Variants in SLC2A13 observed in about 807,000 individuals in gnomAD.
SLC2A13 encodes the protein proton myo-inositol cotransporter.
Under a neutral mutation model 64.4 loss-of-function variants are expected in SLC2A13, and 32 were observed. The ratio of observed to expected loss-of-function variants is 0.50; its 90% CI spans 0.37 to 0.67. The LOEUF is 0.67. SLC2A13 is among the 30% of genes least tolerant of loss of function. The pLI is 0.00. For synonymous variants in SLC2A13, 338 were observed against 327.1 expected (o/e 1.03, Z -0.36); for missense variants, 743 against 829.2 (o/e 0.90, Z 1.28).
chr12:39,825,564 AT>A (rs1232183278), intron 7 of SLC2A13, among the ~76,000 whole-genome samples: 1 of 152,084 alleles, frequency 6.6e-6, no homozygotes, highest in Non-Finnish European at 1.5e-5. Flanking sequence ...GGAAAGTTAC[AT>A]TTTTTCTTGA....
intron 7 of SLC2A13, among the ~76,000 whole-genome samples, chr12:39,817,951 C>T (rs1446199905): frequency 6.6e-6 from 1 of 152,166 alleles, no homozygotes; most frequent in Non-Finnish European, 1.5e-5. Flanking sequence ...TCTAGGTCTG[C>T]CCTGTTTTTC....
intron 7 of SLC2A13, among the ~76,000 whole-genome samples, chr12:39,828,711 A>G (rs569619507): frequency 0.027 from 2,105 of 76,864 alleles, 136 homozygotes; most frequent in Admixed American, 0.19. Context: ...GTAGTAACTT[A>G]GTTTTTTTTT....
At chr12:39,981,390 G>A (rs1389692302) in intron 3 of SLC2A13, among the ~76,000 whole-genome samples, 2 of 152,052 alleles carry the variant, frequency 1.3e-5, no homozygotes, top group South Asian at 2.1e-4. Context: ...TCCAGGAGCT[G>A]GTTTTTTGAA....
At chr12:40,092,776 A>G (rs1938810973) in intron 1 of SLC2A13, among the ~76,000 whole-genome samples, 1 of 152,222 alleles carries the variant, frequency 6.6e-6, no homozygotes, top group Non-Finnish European at 1.5e-5. Context: ...AACTTGAGTC[A>G]TCAGACAGAA....
At chr12:39,829,502 G>C (rs1942795977) in intron 7 of SLC2A13, 1 of 76,278 alleles carries the variant, frequency 1.3e-5, no homozygotes. Flanking sequence ...TATCTCCCAG[G>C]TTCAAGTGAT....
At chr12:39,956,444 A>G (rs1345102492) in intron 3 of SLC2A13, among the ~76,000 whole-genome samples, 1 of 152,214 alleles carries the variant, frequency 6.6e-6, no homozygotes, top group African/African-American at 2.4e-5. Context: ...TTTTTATTGT[A>G]TGTAAATTAT....
At chr12:40,102,992 T>A (rs1320044267) in intron 1 of SLC2A13, among the ~76,000 whole-genome samples, 1 of 152,198 alleles carries the variant, frequency 6.6e-6, no homozygotes, top group Non-Finnish European at 1.5e-5. Flanking sequence ...TGAAGAGGGC[T>A]TTTACGAAAC....
chr12:40,068,475 C>A, intron 1 of SLC2A13: 1 of 263,402 alleles, frequency 3.8e-6, no homozygotes, highest in South Asian at 4.3e-5. Context: ...TTTTTCTTAT[C>A]TAATCATCTT....
chr12:39,827,452 A>G (rs1020400960), intron 7 of SLC2A13, among the ~76,000 whole-genome samples: 6 of 152,192 alleles, frequency 3.9e-5, no homozygotes, highest in African/African-American at 7.2e-5. Context: ...TATCTCACTC[A>G]GCATTAAAAA....
chr12:39,886,057 C>T (rs1446564084), intron 4 of SLC2A13, among the ~76,000 whole-genome samples: 1 of 152,062 alleles, frequency 6.6e-6, no homozygotes, highest in Admixed American at 6.6e-5. Flanking sequence ...TGTTTAAGCC[C>T]TCTTACACTT....
intron 1 of SLC2A13, among the ~76,000 whole-genome samples, chr12:40,069,005 T>C (rs1361134390): frequency 6.6e-6 from 1 of 152,070 alleles, no homozygotes; most frequent in Non-Finnish European, 1.5e-5. Context: ...TGTCTAGACA[T>C]AAAATGGGCA....
chr12:39,926,360 T>C (rs1592289175), intron 4 of SLC2A13, among the ~76,000 whole-genome samples: 2 of 152,222 alleles, frequency 1.3e-5, no homozygotes, highest in East Asian at 3.8e-4. Context: ...AGGCATGTTA[T>C]CATATGTGCC....
intron 1 of SLC2A13, among the ~76,000 whole-genome samples, chr12:40,074,153 G>A (rs1173656410): frequency 7.2e-6 from 1 of 137,988 alleles, no homozygotes; most frequent in Non-Finnish European, 1.5e-5. Context: ...GTCTATTAAA[G>A]CCCATCAAAG....
In SLC2A13 at chr12:39,924,793, T is replaced by C. The variant is rs7303672; in HGVS notation, c.1034+26464A>G. ...AATGTAAAATGCAATAGGCTTGACC[T>C]TTTGTGTTTTGCATGACAGAAAGCT... On this transcript the variant is annotated intron_variant, in intron 4 of 9. Transcript: ENST00000280871. 9.0e-3 allele frequency among the ~76,000 whole-genome samples: 1,367 copies of C among 151,826 alleles called. 18 individuals carry two copies. Among genetic ancestry groups the C allele is most frequent in the African/African-American group, 0.029 (1,189 of 41,464 alleles).
At chr12:39,798,114 G>A (rs1193453518) in intron 7 of SLC2A13, among the ~76,000 whole-genome samples, 2 of 152,194 alleles carry the variant, frequency 1.3e-5, no homozygotes, top group South Asian at 2.1e-4. Flanking sequence ...TATGAGGACA[G>A]CCAAGCTGCC....
intron 7 of SLC2A13, among the ~76,000 whole-genome samples, chr12:39,826,666 A>G (rs1348753028): frequency 6.6e-6 from 1 of 151,390 alleles, no homozygotes; most frequent in Non-Finnish European, 1.5e-5. Context: ...AAAAGTTCTC[A>G]TACCACATCC....
rs1028491088 is a variant in SLC2A13 at position 39,757,415 on chromosome 12, G to A, written c.*2611C>T. ...TGATAGTGGTAGCCAAATATGCTGG[G>A]AACTTAAAAGGTGCCTAATATAAAA... On this transcript the variant is annotated 3_prime_UTR_variant, in exon 10 of 10. Transcript: ENST00000280871. 2.6e-5 allele frequency: 4 copies of A among 151,436 alleles called. No individual in the cohort carries two copies. The highest frequency in any genetic ancestry group is 1.3e-4 in the Admixed American group (2 of 15,118). The allele number at this position is 151,436 out of a possible 1,614,324, so 9.4% of individuals were successfully genotyped here. A position where few individuals can be genotyped will look rare whatever the true frequency, so the allele number is the denominator to read the frequency against.
chr12:39,936,972 G>T (rs1343197683), intron 4 of SLC2A13, among the ~76,000 whole-genome samples: 1 of 152,126 alleles, frequency 6.6e-6, no homozygotes, highest in Non-Finnish European at 1.5e-5. Flanking sequence ...GACTGGAATA[G>T]GTCTCTGAGT....
In SLC2A13 at chr12:39,951,261, T is replaced by C. The variant is rs376729372; in HGVS notation, c.1030A>G (p.Ile344Val). 6 of 1,612,458 alleles carry C rather than the reference T, an allele frequency of 3.7e-6. No individual in the cohort carries two copies. Among genetic ancestry groups the C allele is most frequent in the Non-Finnish European group, 5.1e-6 (6 of 1,179,130 alleles). The change falls in exon 4 of 10, where the codon ATC (isoleucine) becomes GTC (valine). Residue 344 changes from isoleucine to valine, a missense_variant. Physicochemically the swap from Ile to Val is conservative, Grantham distance 29 (BLOSUM62 3). This residue lies in a region of SLC2A13 where 295 missense variants were observed against 381.7 expected (regional missense o/e 0.77). Coordinates refer to ENST00000280871, the MANE Select transcript of SLC2A13 (RefSeq NM_052885.4). Reference sequence around the variant, plus strand: ...AAGCCAGAAAGAAATACATACATGATGGTGTTAATGCCTGAGAGCTGCTGG... The same window carrying C: ...AAGCCAGAAAGAAATACATACATGACGGTGTTAATGCCTGAGAGCTGCTGG... ...MFQQLSGINTIMYYSATILQM... is the reference protein window; with the variant it reads ...MFQQLSGINTVMYYSATILQM...
Sources: allele counts gnomAD v4.1 joint callset (sites outside exome capture counted in the v4.1 genomes callset), GRCh38; gene constraint gnomAD v4.1.1; regional missense constraint gnomAD v4.1.1; transcripts MANE v1.5; gene names NCBI Gene and HGNC (gene_info 2026-07-23, HGNC 2026-07-21).